RBFOX1: variants seen among roughly 807,000 people sequenced by gnomAD.
The protein encoded by RBFOX1 is RNA binding fox-1 homolog 1, also known as RNA binding protein fox-1 homolog 1.
In RBFOX1, 8 loss-of-function variants were observed where a neutral mutation model predicts 57.7. The ratio of observed to expected loss-of-function variants is 0.14; its 90% CI spans 0.08 to 0.25. The LOEUF (loss-of-function observed/expected upper bound fraction) is 0.25. Among genes scored for constraint, RBFOX1 ranks in the 10% least tolerant of loss-of-function variants. The probability of loss-of-function intolerance (pLI) is 1.00; values close to 1 mark genes in which losing one functional copy is unlikely to be tolerated. For synonymous variants in RBFOX1, 326 were observed against 222.4 expected, an observed-to-expected ratio of 1.47 and a Z score of -4.15; for missense variants, 611 against 548.5, an observed-to-expected ratio of 1.11 and a Z score of -1.14.
chr16:6,627,939 C>A (rs1390239245), intron 2 of RBFOX1, among the ~76,000 whole-genome samples: 1 of 152,200 alleles, frequency 6.6e-6, no homozygotes, highest in Non-Finnish European at 1.5e-5. Context: ...CAACTGTCTC[C>A]TGTTCAAGGC....
intron 2 of RBFOX1, among the ~76,000 whole-genome samples, chr16:5,504,864 G>A (rs2043325201): frequency 6.6e-6 from 1 of 152,200 alleles, no homozygotes; most frequent in East Asian, 1.9e-4. Flanking sequence ...GGAGAAGGAA[G>A]GAGGCCATTC....
At chr16:5,939,869 C>G (rs772235369) in intron 4 of RBFOX1, among the ~76,000 whole-genome samples, 10 of 152,156 alleles carry the variant, frequency 6.6e-5, no homozygotes, top group Non-Finnish European at 1.3e-4. Context: ...TGCAGGTTGA[C>G]AGTGTGGTGG....
intron 1 of RBFOX1, among the ~76,000 whole-genome samples, chr16:6,020,203 C>T (rs1265618718): frequency 6.6e-6 from 1 of 152,108 alleles, no homozygotes; most frequent in Non-Finnish European, 1.5e-5. Context: ...CCTGAGCCCC[C>T]TTGTGCGTCG....
At chr16:7,615,901 C>T (rs1596544170) in intron 10 of RBFOX1, among the ~76,000 whole-genome samples, 1 of 152,168 alleles carries the variant, frequency 6.6e-6, no homozygotes, top group Non-Finnish European at 1.5e-5. Flanking sequence ...ATTCGAGATG[C>T]CACATATTCA....
intron 1 of RBFOX1, among the ~76,000 whole-genome samples, chr16:5,426,532 A>T (rs559001011): frequency 6.6e-6 from 1 of 152,316 alleles, no homozygotes; most frequent in African/African-American, 2.4e-5. Flanking sequence ...CTCTCCAGGG[A>T]TGCCACAGAC....
At chr16:7,474,223 G>T (rs1037826729) in intron 4 of RBFOX1, among the ~76,000 whole-genome samples, 1 of 152,292 alleles carries the variant, frequency 6.6e-6, no homozygotes, top group Non-Finnish European at 1.5e-5. Context: ...GGAGGCGGAA[G>T]TTGCAGTGAG....
chr16:6,023,831 C>T (rs1299835358), intron 1 of RBFOX1, among the ~76,000 whole-genome samples: 2 of 152,120 alleles, frequency 1.3e-5, no homozygotes. Context: ...TTTAAAGAAG[C>T]CACGAGGCTC....
At chr16:6,789,682 A>T (rs571027774) in intron 3 of RBFOX1, among the ~76,000 whole-genome samples, 2 of 152,094 alleles carry the variant, frequency 1.3e-5, no homozygotes, top group South Asian at 2.1e-4. Flanking sequence ...GCCCATTTTC[A>T]TCCTTTTCTT....
At chr16:7,340,157 C>G (rs74010638) in intron 4 of RBFOX1, among the ~76,000 whole-genome samples, 1 of 152,056 alleles carries the variant, frequency 6.6e-6, no homozygotes, top group Non-Finnish European at 1.5e-5. Context: ...AGACTATGAA[C>G]GGAGGCCAGA....
chr16:5,371,311 A>T (rs1030905921), intron 1 of RBFOX1, among the ~76,000 whole-genome samples: 7 of 152,160 alleles, frequency 4.6e-5, no homozygotes, highest in African/African-American at 1.4e-4. Context: ...CCCTCATCCA[A>T]TCTGACTAGT....
At chr16:5,856,256 T>G (rs2057049597) in intron 3 of RBFOX1, among the ~76,000 whole-genome samples, 1 of 38,842 alleles carries the variant, frequency 2.6e-5, no homozygotes, top group African/African-American at 9.4e-5. Context: ...TATATGTATA[T>G]ATATGTATAT....
chr16:5,977,156 A>G (rs966447733), intron 4 of RBFOX1, among the ~76,000 whole-genome samples: 6 of 152,112 alleles, frequency 3.9e-5, no homozygotes, highest in African/African-American at 7.2e-5. Context: ...TGGACCACCC[A>G]TCTCTGTAGC....
intron 4 of RBFOX1, among the ~76,000 whole-genome samples, chr16:5,986,145 C>T (rs2060281935): frequency 6.6e-6 from 1 of 151,612 alleles, no homozygotes; most frequent in African/African-American, 2.4e-5. Context: ...GATCTTGCAA[C>T]CTCTGCCTCC....
At chr16:7,234,060 G>C (rs1178562911) in intron 4 of RBFOX1, among the ~76,000 whole-genome samples, 2 of 152,114 alleles carry the variant, frequency 1.3e-5, no homozygotes, top group Non-Finnish European at 2.9e-5. Context: ...GAAGAGAGGG[G>C]TTGCATGGAA....
intron 2 of RBFOX1, among the ~76,000 whole-genome samples, chr16:6,517,047 G>A (rs774119715): frequency 1.3e-5 from 2 of 152,112 alleles, no homozygotes; most frequent in Non-Finnish European, 2.9e-5. Context: ...GTTCCTTTTA[G>A]CCTCTCATTC....
chr16:6,131,207 T>C (rs1043143172), intron 1 of RBFOX1, among the ~76,000 whole-genome samples: 15 of 152,236 alleles, frequency 9.9e-5, no homozygotes, highest in African/African-American at 3.4e-4. Flanking sequence ...TACTCTGTGT[T>C]TGATCGGAGT....
chr16:5,894,881 G>T (rs111632981), intron 4 of RBFOX1, among the ~76,000 whole-genome samples: 2 of 140,874 alleles, frequency 1.4e-5, no homozygotes, highest in South Asian at 5.2e-4. Flanking sequence ...TATTAGCTAC[G>T]CATGGTGGCA....
At chr16:5,391,945 C>G (rs1049546226) in intron 1 of RBFOX1, among the ~76,000 whole-genome samples, 4 of 151,822 alleles carry the variant, frequency 2.6e-5, no homozygotes, top group South Asian at 4.2e-4. Context: ...TGGAATACTA[C>G]TCAGCCATAA....
intron 4 of RBFOX1, among the ~76,000 whole-genome samples, chr16:7,232,778 T>A (rs893464722): frequency 1.3e-5 from 2 of 148,780 alleles, no homozygotes; most frequent in African/African-American, 5.0e-5. Context: ...GAGGGGGAGG[T>A]TGCCGTGAGC....
Sources: allele counts gnomAD v4.1 joint callset (sites outside exome capture counted in the v4.1 genomes callset), GRCh38; gene constraint gnomAD v4.1.1; transcripts MANE v1.5; gene names NCBI Gene and HGNC (gene_info 2026-07-23, HGNC 2026-07-21).